The following LAMA2 variants were observed in gnomAD, a reference collection of about 807,000 sequenced individuals.
LAMA2 encodes the protein laminin subunit alpha 2, also known as laminin subunit alpha-2.
In LAMA2, 269 loss-of-function variants were observed where a neutral mutation model predicts 364.8. That is an observed-to-expected ratio of 0.74 (90% CI 0.67 to 0.82). LAMA2 has a LOEUF of 0.82. LAMA2 is among the 40% of genes least tolerant of loss of function. The pLI, the probability that LAMA2 is intolerant of heterozygous loss-of-function variation, is 0.00. For synonymous variants in LAMA2, 1,379 were observed against 1,370.6 expected (o/e 1.01, Z -0.14); for missense variants, 3,807 against 3,873.2 (o/e 0.98, Z 0.45).
chr6:128,947,282 A>G (rs1780540161), intron 1 of LAMA2, among the ~76,000 whole-genome samples: 1 of 152,160 alleles, frequency 6.6e-6, no homozygotes. Flanking sequence ...CTTCATTTGG[A>G]TTTTCTGAGG....
chr6:129,435,270 A>G (rs887662021), intron 41 of LAMA2, among the ~76,000 whole-genome samples: 1 of 152,184 alleles, frequency 6.6e-6, no homozygotes, highest in Non-Finnish European at 1.5e-5. Context: ...TGAAATTTCT[A>G]CAGTTCCATT....
chr6:128,929,386 T>A, intron 1 of LAMA2: 1 of 960,720 alleles, frequency 1.0e-6, no homozygotes, highest in African/African-American at 1.6e-5. Flanking sequence ...TCATCAGTCA[T>A]GTGAGGATGA....
At chr6:128,987,684 A>G (rs566490081) in intron 1 of LAMA2, among the ~76,000 whole-genome samples, 1 of 152,274 alleles carries the variant, frequency 6.6e-6, no homozygotes, top group South Asian at 2.1e-4. Context: ...ACTTAGTATG[A>G]AGAAAAGAGT....
chr6:129,465,122 G>A (rs1783473736), intron 50 of LAMA2, 23 bp from the exon 51 acceptor site: 1 of 1,592,004 alleles, frequency 6.3e-7, no homozygotes, highest in Non-Finnish European at 8.6e-7. Context: ...CTAACCACTG[G>A]GGTATGTTTA....
At chr6:129,137,871 C>A (rs1042834975) in intron 4 of LAMA2, among the ~76,000 whole-genome samples, 1 of 151,864 alleles carries the variant, frequency 6.6e-6, no homozygotes, top group Non-Finnish European at 1.5e-5. Flanking sequence ...GAACTTAAAT[C>A]TAGTAGCAGA....
At chr6:129,023,975 G>C (rs78811581) in intron 1 of LAMA2, among the ~76,000 whole-genome samples, 1 of 152,112 alleles carries the variant, frequency 6.6e-6, no homozygotes, top group Admixed American at 6.6e-5. Context: ...CAGGTGAATA[G>C]GTATAGACTG....
intron 24 of LAMA2, 76 bp from the exon 25 acceptor site, chr6:129,315,400 T>G: frequency 7.8e-7 from 1 of 1,285,680 alleles, no homozygotes; most frequent in Non-Finnish European, 1.1e-6. Context: ...CAGATAGACA[T>G]GCAGTTCGTA....
chr6:129,396,470 C>G (rs1408784685), intron 37 of LAMA2, among the ~76,000 whole-genome samples: 1 of 152,098 alleles, frequency 6.6e-6, no homozygotes, highest in Non-Finnish European at 1.5e-5. Flanking sequence ...GTGTCCAGTA[C>G]AGCAGAAAAA....
chr6:129,206,272 CTT>C (rs575406759), intron 12 of LAMA2, among the ~76,000 whole-genome samples: 76 of 152,270 alleles, frequency 5.0e-4, no homozygotes, highest in African/African-American at 1.8e-3. Context: ...TATAAGGTGA[CTT>C]AGCTATTTAG....
chr6:128,960,853 G>A lies in LAMA2; in HGVS notation c.112+77496G>A, dbSNP rs1031997007. Among the ~76,000 whole-genome samples, 5 of 151,836 alleles carry A rather than the reference G, an allele frequency of 3.3e-5. 1 individual carries two copies. Among genetic ancestry groups the A allele is most frequent in the African/African-American group, 1.2e-4 (5 of 41,376 alleles). Reference sequence around the variant, plus strand: ...ATGCCATATGTTTTGCTAGTTCTCCGAGAATATTGACTCATTTTTGAAGTT... The same window carrying A: ...ATGCCATATGTTTTGCTAGTTCTCCAAGAATATTGACTCATTTTTGAAGTT... On this transcript the variant is annotated intron_variant, in intron 1 of 64. Transcript: ENST00000421865.
chr6:129,302,539 C>A (rs1484267042), intron 22 of LAMA2, among the ~76,000 whole-genome samples: 1 of 151,852 alleles, frequency 6.6e-6, no homozygotes, highest in Non-Finnish European at 1.5e-5. Context: ...TATGTTCTAC[C>A]CAAGAAAGAC....
intron 22 of LAMA2, among the ~76,000 whole-genome samples, chr6:129,307,723 TAAG>T (rs1773967163): frequency 6.6e-6 from 1 of 152,220 alleles, no homozygotes; most frequent in South Asian, 2.1e-4. Context: ...CTGTAAAAAC[TAAG>T]AAGAGGCTGT....
At chr6:129,180,632 A>C (rs1309789502) in intron 10 of LAMA2, among the ~76,000 whole-genome samples, 2 of 152,136 alleles carry the variant, frequency 1.3e-5, no homozygotes, top group African/African-American at 2.4e-5. Context: ...CCTGTGGGTA[A>C]AATGACATAC....
intron 13 of LAMA2, 139 bp from the exon 14 acceptor site, chr6:129,251,943 AAT>A: frequency 1.6e-6 from 1 of 635,624 alleles, no homozygotes; most frequent in Non-Finnish European, 2.7e-6. Context: ...TCCAAAAAAA[AAT>A]AAATAAATAA....
intron 57 of LAMA2, 100 bp downstream of exon 57, chr6:129,492,177 G>A (rs1784900646): frequency 7.1e-7 from 1 of 1,400,090 alleles, no homozygotes. Flanking sequence ...TGCAGGGGAG[G>A]AGGGAAACAA....
At chr6:129,230,320 C>A (rs370436759) in intron 12 of LAMA2, among the ~76,000 whole-genome samples, 44 of 152,130 alleles carry the variant, frequency 2.9e-4, no homozygotes, top group Admixed American at 9.2e-4. Flanking sequence ...GCAATGCATT[C>A]GACCAATGAC....
intron 3 of LAMA2, among the ~76,000 whole-genome samples, chr6:129,074,861 A>G (rs930622719): frequency 1.3e-5 from 2 of 152,216 alleles, no homozygotes; most frequent in Non-Finnish European, 2.9e-5. Flanking sequence ...AGCAGGTGCT[A>G]TTCTTAGTAA....
chr6:129,319,403 C>G (rs538574048), intron 27 of LAMA2, among the ~76,000 whole-genome samples: 2 of 152,232 alleles, frequency 1.3e-5, no homozygotes, highest in East Asian at 1.9e-4. Context: ...AACTTTTCAA[C>G]AGGATATCAG....
intron 3 of LAMA2, among the ~76,000 whole-genome samples, chr6:129,094,305 G>A (rs538123187): frequency 7.2e-5 from 11 of 152,302 alleles, no homozygotes; most frequent in African/African-American, 2.4e-4. Context: ...AATTTTGCAT[G>A]GAATGTGAAA....
Sources: allele counts gnomAD v4.1 joint callset (sites outside exome capture counted in the v4.1 genomes callset), GRCh38; gene constraint gnomAD v4.1.1; transcripts MANE v1.5; gene names NCBI Gene and HGNC (gene_info 2026-07-23, HGNC 2026-07-21).